The following SPON1 variants were observed in gnomAD, a reference collection of about 807,000 sequenced individuals.
The protein encoded by SPON1 is spondin-1.
A neutral mutation model predicts 111.7 loss-of-function variants in SPON1; 52 were observed. The ratio of observed to expected loss-of-function variants is 0.47; its 90% CI spans 0.37 to 0.59. The LOEUF (loss-of-function observed/expected upper bound fraction) is 0.59, where lower values mean the gene tolerates loss of function less well. Ranked by LOEUF, SPON1 falls within the 20% of genes least tolerant of loss-of-function variation. The probability of loss-of-function intolerance (pLI) is 0.00; values close to 1 mark genes in which losing one functional copy is unlikely to be tolerated. For synonymous variants in SPON1, 410 were observed against 395.8 expected, an observed-to-expected ratio of 1.04 and a Z score of -0.43; for missense variants, 957 against 1,068.5, an observed-to-expected ratio of 0.90 and a Z score of 1.46.
rs1847840169 is a variant in SPON1, at chr11:14,155,918, G to A, written c.825+20350G>A. Among the ~76,000 whole-genome samples, 2 of 131,882 alleles carry A rather than the reference G, an allele frequency of 1.5e-5. 1 individual carries two copies. Among genetic ancestry groups the A allele is most frequent in the African/African-American group, 5.4e-5 (2 of 37,106 alleles). 86.5% of individuals were successfully genotyped at this position (131,882 alleles called of 152,430 possible). On this transcript the variant is annotated intron_variant, in intron 6 of 15. Coordinates refer to ENST00000576479, the MANE Select transcript of SPON1 (RefSeq NM_006108.4). ...CTATCATTGTTGGACATTTGGGTTG[G>A]TTCCAAGTCTTTGCTATTGTGAATA...
intron 1 of SPON1, among the ~76,000 whole-genome samples, chr11:13,972,815 A>T (rs1848073283): frequency 6.6e-6 from 1 of 152,180 alleles, no homozygotes; most frequent in African/African-American, 2.4e-5. Flanking sequence ...ACTGCAAGTG[A>T]TAGGAACAAA....
chr11:14,104,694 T>A (rs576508275), intron 5 of SPON1, among the ~76,000 whole-genome samples: 66 of 152,262 alleles, frequency 4.3e-4, no homozygotes, highest in African/African-American at 1.5e-3. Context: ...CTTCAATAGG[T>A]ACATACTAAT....
chr11:14,067,251 C>T (rs1848840036), intron 3 of SPON1, among the ~76,000 whole-genome samples: 1 of 152,116 alleles, frequency 6.6e-6, no homozygotes, highest in South Asian at 2.1e-4. Flanking sequence ...CATATGGGAC[C>T]AGACAGAGCC....
intron 6 of SPON1, among the ~76,000 whole-genome samples, chr11:14,139,862 T>C (rs538677194): frequency 2.0e-5 from 3 of 151,864 alleles, no homozygotes; most frequent in Admixed American, 6.6e-5. Flanking sequence ...AAGACAAGTG[T>C]AGGGGAAAAT....
At chr11:14,103,837 T>C (rs1344075279) in intron 5 of SPON1, among the ~76,000 whole-genome samples, 1 of 152,250 alleles carries the variant, frequency 6.6e-6, no homozygotes, top group African/African-American at 2.4e-5. Context: ...TTCAGTCTAT[T>C]AATTTATCAT....
intron 15 of SPON1, among the ~76,000 whole-genome samples, chr11:14,264,029 CAAATTAAAA>C (rs1401774105): frequency 2.8e-5 from 4 of 142,334 alleles, no homozygotes; most frequent in African/African-American, 1.0e-4. Flanking sequence ...AACTCCGTCT[CAAATTAAAA>C]AAAAAAAAAA....
intron 3 of SPON1, among the ~76,000 whole-genome samples, chr11:14,068,428 G>A (rs1424412551): frequency 6.6e-6 from 1 of 152,168 alleles, no homozygotes; most frequent in East Asian, 1.9e-4. Context: ...CTTGTTAAGA[G>A]CCTAACCGAC....
chr11:14,109,965 C>T (rs940836827), intron 5 of SPON1, among the ~76,000 whole-genome samples: 3 of 152,172 alleles, frequency 2.0e-5, no homozygotes, highest in Admixed American at 6.5e-5. Context: ...CAGCACAGAT[C>T]CTAACTGGCA....
rs1434379519 is a variant in SPON1 at position 14,266,027 on chromosome 11, G to A, written c.*340G>A. ...CATGGAGAGGCAACCATGTCTGGAA[G>A]TGACTATGCCTGAGTCCCAGGGTGC... On this transcript the variant is annotated 3_prime_UTR_variant, in exon 16 of 16. Transcript: ENST00000576479. The A allele has an allele frequency of 1.0e-4, 22 of 211,056 alleles. No individual in the cohort carries two copies. The Admixed American group carries it at 1.1e-3, about 11-fold the overall frequency. 13.1% of individuals were successfully genotyped at this position (211,056 alleles called of 1,614,324 possible).
chr11:14,152,395 T>C (rs1554929994), intron 6 of SPON1, among the ~76,000 whole-genome samples: 1 of 152,180 alleles, frequency 6.6e-6, no homozygotes, highest in Non-Finnish European at 1.5e-5. Context: ...GTAAGGAAAA[T>C]CAAAAGCTTA....
intron 2 of SPON1, among the ~76,000 whole-genome samples, chr11:14,015,533 A>G (rs528490279): frequency 6.6e-6 from 1 of 152,372 alleles, no homozygotes; most frequent in East Asian, 1.9e-4. Context: ...TTCAGACCAT[A>G]GCCACAAGGA....
chr11:14,116,182 T>G (rs1057291019), intron 5 of SPON1, among the ~76,000 whole-genome samples: 3 of 152,184 alleles, frequency 2.0e-5, no homozygotes, highest in African/African-American at 7.2e-5. Context: ...TCTTCTCCCA[T>G]TCTATGGCTT....
rs568464410 is a variant in SPON1 at position 14,126,291 on chromosome 11, C to G, written c.677-9129C>G. Among the ~76,000 whole-genome samples the G allele has an allele frequency of 5.9e-5, 9 of 152,338 alleles. No homozygotes were observed. In the East Asian group the frequency reaches 1.7e-3, roughly 29 times the overall value. ...GTGCAGAACACCTCAGAGAATCTAT[C>G]TACCATGCACCCTGTCTCCTTCAAC... On this transcript the variant is annotated intron_variant, in intron 5 of 15. Coordinates refer to ENST00000576479, the MANE Select transcript of SPON1 (RefSeq NM_006108.4).
chr11:14,057,729 G>A (rs1242923071), intron 3 of SPON1, among the ~76,000 whole-genome samples: 1 of 149,950 alleles, frequency 6.7e-6, no homozygotes. Flanking sequence ...AGACACAGTG[G>A]CTCATCTGTA....
At chr11:14,235,677 T>G (rs1554939141) in intron 6 of SPON1, among the ~76,000 whole-genome samples, 1 of 14,304 alleles carries the variant, frequency 7.0e-5, no homozygotes, top group Admixed American at 1.2e-3. Flanking sequence ...AGACCCTGCC[T>G]CAAAAAAAAA....
intron 6 of SPON1, among the ~76,000 whole-genome samples, chr11:14,143,155 C>T (rs949883031): frequency 6.6e-6 from 1 of 152,182 alleles, no homozygotes; most frequent in Non-Finnish European, 1.5e-5. Flanking sequence ...GGCAATGGTG[C>T]CCCCTGCATC....
chr11:14,034,474 C>G (rs2133810166), intron 2 of SPON1, among the ~76,000 whole-genome samples: 1 of 152,302 alleles, frequency 6.6e-6, no homozygotes, highest in East Asian at 1.9e-4. Context: ...CTGATATTTT[C>G]TGAGAAGCAA....
At chr11:14,164,993 G>A (rs891900208) in intron 6 of SPON1, among the ~76,000 whole-genome samples, 1 of 152,124 alleles carries the variant, frequency 6.6e-6, no homozygotes, top group African/African-American at 2.4e-5. Flanking sequence ...GTTTAGGGAG[G>A]GTCAGAAACT....
intron 9 of SPON1, among the ~76,000 whole-genome samples, chr11:14,256,140 G>A (rs1266165397): frequency 2.6e-5 from 4 of 152,158 alleles, no homozygotes; most frequent in Admixed American, 1.3e-4. Context: ...CCAGCTACTC[G>A]GGAGGCTAAG....
Sources: gnomAD v4.1 joint callset for allele counts (sites outside exome capture counted in the v4.1 genomes callset) on GRCh38, gnomAD v4.1.1 for gene constraint, MANE v1.5 for transcripts, NCBI Gene and HGNC (gene_info 2026-07-23, HGNC 2026-07-21) for gene names.